Variants in ANXA8 observed in about 807,000 individuals in gnomAD.
ANXA8 encodes the protein VAC-beta.
In ANXA8, 9 loss-of-function variants were observed where a neutral mutation model predicts 26.8. The ratio of observed to expected loss-of-function variants is 0.34; its 90% CI spans 0.20 to 0.59. ANXA8 has a LOEUF of 0.59. Among genes scored for constraint, ANXA8 ranks in the 20% least tolerant of loss-of-function variants. ANXA8 has a pLI of 0.84. For synonymous variants in ANXA8, 39 were observed against 94.8 expected, an observed-to-expected ratio of 0.41 and a Z score of 3.42; for missense variants, 83 against 238.5, an observed-to-expected ratio of 0.35 and a Z score of 4.29.
chr10:47,485,024 G>A (rs1356343209), upstream of ANXA8, among the ~76,000 whole-genome samples: 2 of 147,834 alleles, frequency 1.4e-5, no homozygotes, highest in East Asian at 4.5e-4. Context: ...CCCCGGAGCT[G>A]CCCCATACCC....
chr10:47,546,413 T>C, the ANXA8 span, among the ~76,000 whole-genome samples: 1 of 113,632 alleles, frequency 8.8e-6, no homozygotes, highest in African/African-American at 3.7e-5. Context: ...TTTTTTTTTT[T>C]TTTTTTTGAG....
chr10:47,733,280 T>C, the ANXA8 span, among the ~76,000 whole-genome samples: 1 of 100,526 alleles, frequency 9.9e-6, no homozygotes, highest in East Asian at 3.2e-4. Context: ...TCTTTCTTTC[T>C]TTCTTTCTTT....
At chr10:47,568,007 C>T in the ANXA8 span, 38 of 737,144 alleles carry the variant, frequency 5.2e-5, no homozygotes, top group African/African-American at 4.7e-4. Context: ...AAGAACTATA[C>T]CGTAAGTATG....
At chr10:47,982,714 AT>A in the ANXA8 span, among the ~76,000 whole-genome samples, 1 of 146,212 alleles carries the variant, frequency 6.8e-6, no homozygotes, top group Non-Finnish European at 1.5e-5. Context: ...GCGGGGCATT[AT>A]CAAAATTGAC....
At position 47,483,903 on chromosome 10, in the gene ANXA8, T is replaced by C; in HGVS notation, c.21+10A>G. On this transcript the variant is annotated intron_variant, in intron 1 of 11. Coordinates refer to ENST00000585281, the MANE Select transcript of ANXA8 (RefSeq NM_001040084.3). ...GCAGGAACCCAAATCTCCTGCCAGCTCCCACTTACCCAGGATTTCCACCAG... is the reference window on the plus strand; with the variant it reads ...GCAGGAACCCAAATCTCCTGCCAGCCCCCACTTACCCAGGATTTCCACCAG... 6.2e-7 allele frequency: 1 copy of C among 1,611,708 alleles called. No homozygotes were observed. The highest frequency in any genetic ancestry group is 1.1e-5 in the South Asian group (1 of 90,974).
the ANXA8 span, chr10:47,502,436 A>G: frequency 4.4e-3 from 6,842 of 1,546,378 alleles, 222 homozygotes; most frequent in African/African-American, 0.054. Context: ...CGGATCCACC[A>G]TTCCTTCTCT....
At chr10:47,665,947 A>G in the ANXA8 span, among the ~76,000 whole-genome samples, 1 of 151,950 alleles carries the variant, frequency 6.6e-6, no homozygotes, top group South Asian at 2.1e-4. Flanking sequence ...AGCATTACTG[A>G]GTTAATGTAT....
At chr10:47,673,169 C>T in the ANXA8 span, among the ~76,000 whole-genome samples, 1 of 151,630 alleles carries the variant, frequency 6.6e-6, no homozygotes, top group Non-Finnish European at 1.5e-5. Flanking sequence ...ACCCACACTC[C>T]AGCTCCTACC....
At chr10:47,607,383 G>T in the ANXA8 span, among the ~76,000 whole-genome samples, 2 of 147,516 alleles carry the variant, frequency 1.4e-5, no homozygotes, top group African/African-American at 2.6e-5. Context: ...CCTGTGTTTA[G>T]GTACAGTATC....
the ANXA8 span, among the ~76,000 whole-genome samples, chr10:47,554,855 T>G: frequency 2.0e-5 from 3 of 152,082 alleles, no homozygotes; most frequent in Admixed American, 1.3e-4. Context: ...ATGTTGTAAC[T>G]TCTTCACACT....
intron 11 of ANXA8, 62 bp from the exon 12 acceptor site, chr10:47,468,968 G>T (rs1168357776): frequency 6.3e-7 from 1 of 1,579,450 alleles, no homozygotes; most frequent in Admixed American, 1.8e-5. Flanking sequence ...CGGCAGTGGC[G>T]GCTGTGTTAT....
the ANXA8 span, among the ~76,000 whole-genome samples, chr10:47,755,213 C>CCAAAGTGCTAGGATTATAG: frequency 6.6e-6 from 1 of 151,600 alleles, no homozygotes; most frequent in Non-Finnish European, 1.5e-5. Context: ...TCTCGGTCTC[C>CCAAAGTGCTAGGATTATAG]CAAAGTGCTA....
At chr10:47,689,335 C>T in the ANXA8 span, among the ~76,000 whole-genome samples, 26 of 151,764 alleles carry the variant, frequency 1.7e-4, 1 homozygote, top group Middle Eastern at 6.8e-3. Flanking sequence ...TGTGCTACCA[C>T]GCCCAGCTAA....
At chr10:47,932,728 T>C in the ANXA8 span, among the ~76,000 whole-genome samples, 1 of 58,706 alleles carries the variant, frequency 1.7e-5, no homozygotes, top group African/African-American at 1.0e-4. Context: ...TTCTCTGTCT[T>C]TCTGTCTCTC....
the ANXA8 span, among the ~76,000 whole-genome samples, chr10:47,558,676 A>G: frequency 3.3e-5 from 5 of 151,822 alleles, no homozygotes; most frequent in African/African-American, 9.7e-5. Flanking sequence ...ATGAGCCACC[A>G]TGCCTAACCC....
the ANXA8 span, chr10:47,565,602 C>G: frequency 3.3e-6 from 1 of 299,942 alleles, no homozygotes; most frequent in Non-Finnish European, 6.0e-6. Context: ...GCCCACGGCC[C>G]GGCGCGCTAC....
chr10:47,693,525 C>T, the ANXA8 span, among the ~76,000 whole-genome samples: 46 of 151,592 alleles, frequency 3.0e-4, no homozygotes, highest in African/African-American at 1.1e-3. Context: ...ATCCTCACCT[C>T]GTGATCCGCC....
chr10:47,568,057 CAG>C, the ANXA8 span: 16 of 672,862 alleles, frequency 2.4e-5, no homozygotes, highest in Admixed American at 3.9e-5. Context: ...TTTTTTGACA[CAG>C]AGTCTTGCTC....
At chr10:47,705,139 C>T in the ANXA8 span, among the ~76,000 whole-genome samples, 57 of 151,734 alleles carry the variant, frequency 3.8e-4, no homozygotes, top group African/African-American at 1.4e-3. Context: ...TTGAAAACAG[C>T]AGGGCATTTT....
Sources: allele counts gnomAD v4.1 joint callset (sites outside exome capture counted in the v4.1 genomes callset), GRCh38; gene constraint gnomAD v4.1.1; transcripts MANE v1.5; gene names NCBI Gene and HGNC (gene_info 2026-07-23, HGNC 2026-07-21).